Variants in ITSN1 observed in about 807,000 individuals in gnomAD.
The protein encoded by ITSN1 is intersectin-1.
A neutral mutation model predicts 239.8 loss-of-function variants in ITSN1; 58 were observed. The observed-to-expected ratio is 0.24, with a 90% confidence interval of 0.20 to 0.30. The LOEUF is 0.30. ITSN1 is among the 10% of genes least tolerant of loss of function. The probability of loss-of-function intolerance (pLI) is 1.00; values close to 1 mark genes in which losing one functional copy is unlikely to be tolerated. For synonymous variants in ITSN1, 780 were observed against 770.8 expected (o/e 1.01, Z -0.20); for missense variants, 1,558 against 2,103.3 (o/e 0.74, Z 5.07).
chr21:33,754,639 G>T lies in ITSN1; in HGVS notation c.624-658G>T, dbSNP rs148268315. Among the ~76,000 whole-genome samples, 813 of 152,316 alleles carry T rather than the reference G, an allele frequency of 5.3e-3. 2 individuals are homozygous for T. Among genetic ancestry groups the T allele is most frequent in the Middle Eastern group, 0.01 (3 of 294 alleles). On this transcript the variant is annotated intron_variant, in intron 7 of 39. Transcript: ENST00000381318. The stretch of plus-strand genomic sequence containing the variant: ...TAACTACTGGCAAGTGTGTCCTTGG[G>T]CCAGCTCAGGATTGTGGCACATTGG...
chr21:33,796,408 A>G (rs1336742287), intron 17 of ITSN1, among the ~76,000 whole-genome samples: 9 of 152,274 alleles, frequency 5.9e-5, no homozygotes, highest in Admixed American at 5.9e-4. Flanking sequence ...AGACTTCTGC[A>G]TTAAAATATC....
At chr21:33,669,685 C>T (rs1008524278) in intron 1 of ITSN1, among the ~76,000 whole-genome samples, 5 of 152,134 alleles carry the variant, frequency 3.3e-5, no homozygotes, top group African/African-American at 4.8e-5. Flanking sequence ...TTGTGATCCA[C>T]CCACCTTGAC....
intron 34 of ITSN1, among the ~76,000 whole-genome samples, chr21:33,880,378 C>T (rs960210889): frequency 2.0e-5 from 3 of 152,132 alleles, no homozygotes; most frequent in Non-Finnish European, 2.9e-5. Context: ...TTTGCGCCCA[C>T]GTGGCTTGAA....
In ITSN1 at chr21:33,650,102, C is replaced by T. The variant is rs529673227; in HGVS notation, c.-33+7389C>T. ...CACAGCAAGTGGTCAGAATTTTACC[C>T]TTGGTGGTTAAAATTAAACATCCTC... is the stretch of plus-strand genomic sequence containing the variant. On this transcript the variant is annotated intron_variant, in intron 1 of 39. Coordinates refer to ENST00000381318, the MANE Select transcript of ITSN1 (RefSeq NM_003024.3). Among the ~76,000 whole-genome samples, 4 of 152,040 alleles carry T rather than the reference C, an allele frequency of 2.6e-5. 1 individual carries two copies. In the East Asian group the frequency reaches 7.7e-4, roughly 29 times the overall value.
At chr21:33,675,964 AT>A (rs1046439052) in intron 1 of ITSN1, among the ~76,000 whole-genome samples, 5 of 150,528 alleles carry the variant, frequency 3.3e-5, no homozygotes, top group Non-Finnish European at 7.4e-5. Flanking sequence ...AACTTGTGGA[AT>A]TTTTTTTCTT....
chr21:33,817,984 A>G, intron 22 of ITSN1: 1 of 456,802 alleles, frequency 2.2e-6, no homozygotes, highest in Admixed American at 3.9e-5. Context: ...GCCAGATGCA[A>G]CAGAATAATT....
At chr21:33,686,975 C>T (rs961776855) in intron 1 of ITSN1, among the ~76,000 whole-genome samples, 1 of 152,080 alleles carries the variant, frequency 6.6e-6, no homozygotes, top group Non-Finnish European at 1.5e-5. Context: ...GGACATGCTT[C>T]CTATATATTT....
intron 1 of ITSN1, among the ~76,000 whole-genome samples, chr21:33,682,284 C>T (rs1226537081): frequency 6.7e-6 from 1 of 148,934 alleles, no homozygotes; most frequent in Admixed American, 6.7e-5. Flanking sequence ...GGCGCAATCT[C>T]AGCTCACCGC....
intron 34 of ITSN1, among the ~76,000 whole-genome samples, chr21:33,876,153 C>CTTTCTTTCTTTTTCTT (rs752690648): frequency 8.0e-6 from 1 of 124,664 alleles, no homozygotes; most frequent in African/African-American, 3.2e-5. Flanking sequence ...TTCTTTCTTT[C>CTTTCTTTCTTTTTCTT]TCTCTCTCCC....
chr21:33,775,975 G>C (rs2069570491), intron 14 of ITSN1, among the ~76,000 whole-genome samples: 1 of 152,162 alleles, frequency 6.6e-6, no homozygotes, highest in South Asian at 2.1e-4. Context: ...ATATTTGCCT[G>C]TGATTCCTTT....
intron 18 of ITSN1, among the ~76,000 whole-genome samples, chr21:33,799,165 T>C (rs2071788767): frequency 6.6e-6 from 1 of 152,250 alleles, no homozygotes; most frequent in Admixed American, 6.5e-5. Flanking sequence ...TCCGCTCATG[T>C]GCATTTTTAA....
chr21:33,745,998 G>A (rs1297677183), intron 5 of ITSN1, among the ~76,000 whole-genome samples: 2 of 152,192 alleles, frequency 1.3e-5, no homozygotes. Flanking sequence ...TCAGAGAAAG[G>A]AAGCCTTACT....
intron 7 of ITSN1, among the ~76,000 whole-genome samples, chr21:33,753,248 TTTAC>T (rs1317503754): frequency 6.6e-6 from 1 of 152,150 alleles, no homozygotes; most frequent in Non-Finnish European, 1.5e-5. Flanking sequence ...TAATTGCGGT[TTTAC>T]CCTTAAGATG....
At chr21:33,861,403 G>A (rs932104733) in intron 31 of ITSN1, among the ~76,000 whole-genome samples, 1 of 151,930 alleles carries the variant, frequency 6.6e-6, no homozygotes, top group Non-Finnish European at 1.5e-5. Context: ...TGGGGGGTGG[G>A]GCAGGGGGTA....
At chr21:33,745,656 G>T (rs1465758083) in intron 5 of ITSN1, among the ~76,000 whole-genome samples, 1 of 152,162 alleles carries the variant, frequency 6.6e-6, no homozygotes, top group Non-Finnish European at 1.5e-5. Context: ...TGTCACTGAA[G>T]GGGGCTTACT....
intron 11 of ITSN1, among the ~76,000 whole-genome samples, chr21:33,770,717 C>T (rs1284277578): frequency 2.6e-5 from 4 of 151,632 alleles, no homozygotes; most frequent in Non-Finnish European, 2.9e-5. Context: ...ATCCACCTTG[C>T]AGCATGTATC....
chr21:33,873,015 A>G (rs1983020174), intron 33 of ITSN1, among the ~76,000 whole-genome samples: 2 of 152,222 alleles, frequency 1.3e-5, no homozygotes, highest in Non-Finnish European at 2.9e-5. Flanking sequence ...ATTTGACTGC[A>G]TGTTAGAACA....
rs910894368 is a variant in ITSN1, at chr21:33,732,056, G to A, written c.186-2988G>A. On this transcript the variant is annotated intron_variant, in intron 4 of 39. Coordinates refer to ENST00000381318, the MANE Select transcript of ITSN1 (RefSeq NM_003024.3). ...AAGCAGAGGCTTCCAGGTCATACGTGGATTCAAGAGTTTTTAATTGGCATT... is the reference window on the plus strand; with the variant it reads ...AAGCAGAGGCTTCCAGGTCATACGTAGATTCAAGAGTTTTTAATTGGCATT... 1.1e-4 allele frequency among the ~76,000 whole-genome samples: 16 copies of A among 152,202 alleles called. No individual in the cohort carries two copies. The East Asian group carries it at 1.2e-3, about 11-fold the overall frequency.
intron 1 of ITSN1, among the ~76,000 whole-genome samples, chr21:33,674,283 T>A (rs919637518): frequency 6.6e-6 from 1 of 152,234 alleles, no homozygotes; most frequent in African/African-American, 2.4e-5. Context: ...TGATTTAATG[T>A]GTTACTATTG....
Sources: allele counts gnomAD v4.1 joint callset (sites outside exome capture counted in the v4.1 genomes callset), GRCh38; gene constraint gnomAD v4.1.1; transcripts MANE v1.5; gene names NCBI Gene and HGNC (gene_info 2026-07-23, HGNC 2026-07-21).